The following CIMIP2C variants were observed in gnomAD, a reference collection of about 807,000 sequenced individuals.
CIMIP2C encodes the protein UPF0573 protein C2orf70.
chr2:26,576,207 C>T, the CIMIP2C span: 1 of 1,589,608 alleles, frequency 6.3e-7, no homozygotes, highest in East Asian at 2.2e-5. Flanking sequence ...TGTGGCCTCC[C>T]CTCCTGCCCA....
chr2:26,570,592 C>A, the CIMIP2C span, among the ~76,000 whole-genome samples: 1 of 152,118 alleles, frequency 6.6e-6, no homozygotes, highest in African/African-American at 2.4e-5. Context: ...GGCACTGGAT[C>A]CTTAGGAGTG....
chr2:26,569,487 G>A, the CIMIP2C span, among the ~76,000 whole-genome samples: 3 of 152,226 alleles, frequency 2.0e-5, no homozygotes, highest in Admixed American at 6.5e-5. Context: ...AGTAGGAGGC[G>A]TTATGGAGGA....
chr2:26,563,664 T>C, the CIMIP2C span, among the ~76,000 whole-genome samples: 2 of 151,992 alleles, frequency 1.3e-5, no homozygotes, highest in African/African-American at 4.8e-5. Context: ...GCAGGCAGAG[T>C]CTCCAAATGG....
At chr2:26,567,721 A>T in the CIMIP2C span, among the ~76,000 whole-genome samples, 1 of 152,136 alleles carries the variant, frequency 6.6e-6, no homozygotes, top group Non-Finnish European at 1.5e-5. Context: ...GCCCAGGAGG[A>T]GGTAGGGGAC....
chr2:26,564,259 A>C, the CIMIP2C span, among the ~76,000 whole-genome samples: 2 of 152,050 alleles, frequency 1.3e-5, no homozygotes. Context: ...AAAATTTTCT[A>C]TTGTCTGACT....
chr2:26,566,782 C>T, the CIMIP2C span, among the ~76,000 whole-genome samples: 66 of 152,296 alleles, frequency 4.3e-4, no homozygotes, highest in Non-Finnish European at 7.5e-4. Flanking sequence ...TGCAGTGGCA[C>T]GATCACAGCT....
At chr2:26,562,626 G>C in the CIMIP2C span, 1 of 1,584,130 alleles carries the variant, frequency 6.3e-7, no homozygotes, top group South Asian at 1.2e-5. Context: ...GCCTCCCGCA[G>C]CGCGGGCACC....
chr2:26,575,895 T>C, the CIMIP2C span: 1 of 1,610,956 alleles, frequency 6.2e-7, no homozygotes, highest in African/African-American at 1.3e-5. Flanking sequence ...CCCACCGTGA[T>C]CGGCAGGTAC....
At chr2:26,572,204 A>G in the CIMIP2C span, 2 of 1,491,026 alleles carry the variant, frequency 1.3e-6, no homozygotes, top group Non-Finnish European at 1.8e-6. Context: ...GGTTGCTTAA[A>G]TTAGTTTTAC....
chr2:26,572,125 G>T, the CIMIP2C span: 663 of 1,545,078 alleles, frequency 4.3e-4, 2 homozygotes, highest in African/African-American at 7.1e-3. Context: ...GATGCCATGG[G>T]TTGACTCTGA....
chr2:26,575,475 G>T, the CIMIP2C span, among the ~76,000 whole-genome samples: 2 of 152,302 alleles, frequency 1.3e-5, no homozygotes, highest in East Asian at 1.9e-4. Flanking sequence ...TGACTGGGGG[G>T]GTATCTGGTG....
the CIMIP2C span, among the ~76,000 whole-genome samples, chr2:26,573,466 G>C: frequency 6.6e-6 from 1 of 152,226 alleles, no homozygotes; most frequent in Admixed American, 6.5e-5. Context: ...AGAGAGACAG[G>C]GAGGAGTCGG....
At chr2:26,571,979 T>G in the CIMIP2C span, 104 of 771,600 alleles carry the variant, frequency 1.3e-4, no homozygotes, top group Non-Finnish European at 1.7e-4. Context: ...TAAGTAGATT[T>G]GAGATAAGTG....
chr2:26,568,162 A>G, the CIMIP2C span, among the ~76,000 whole-genome samples: 4 of 152,222 alleles, frequency 2.6e-5, no homozygotes, highest in Non-Finnish European at 4.4e-5. Context: ...AGAAGCAGAA[A>G]GTAAATTCTA....
At chr2:26,567,441 T>G in the CIMIP2C span, among the ~76,000 whole-genome samples, 1 of 152,378 alleles carries the variant, frequency 6.6e-6, no homozygotes, top group East Asian at 1.9e-4. Flanking sequence ...CCTGCAGAAC[T>G]ATTAGTCAAT....
At chr2:26,566,148 C>A in the CIMIP2C span, among the ~76,000 whole-genome samples, 1 of 152,360 alleles carries the variant, frequency 6.6e-6, no homozygotes, top group Admixed American at 6.5e-5. Flanking sequence ...TTGGCCTGCG[C>A]CATGCATTCA....
At chr2:26,575,829 A>C in the CIMIP2C span, 44 of 1,526,866 alleles carry the variant, frequency 2.9e-5, no homozygotes, top group African/African-American at 5.1e-4. Flanking sequence ...CTCCACTTTT[A>C]AGGGCCTCTC....
At chr2:26,576,775 G>T in the CIMIP2C span, among the ~76,000 whole-genome samples, 1 of 152,344 alleles carries the variant, frequency 6.6e-6, no homozygotes, top group Non-Finnish European at 1.5e-5. Flanking sequence ...CACCCCTGTT[G>T]TTCTTGTCCT....
the CIMIP2C span, chr2:26,579,040 C>G: frequency 1.8e-6 from 1 of 553,594 alleles, no homozygotes; most frequent in East Asian, 3.4e-5. Flanking sequence ...AATATGCACA[C>G]TTCTAGCAGG....
Sources: gnomAD v4.1 joint callset for allele counts (sites outside exome capture counted in the v4.1 genomes callset) on GRCh38, gnomAD v4.1.1 for gene constraint, MANE v1.5 for transcripts, NCBI Gene and HGNC (gene_info 2026-07-23, HGNC 2026-07-21) for gene names.